Variants in PDE11A observed in about 807,000 individuals in gnomAD.
PDE11A encodes the protein phosphodiesterase 11A, also known as dual 3',5'-cyclic-AMP and -GMP phosphodiesterase 11A.
PDE11A carries 100 observed loss-of-function variants against 100.5 expected under a neutral mutation model. The observed-to-expected ratio is 1.00, with a 90% confidence interval of 0.85 to 1.18. The LOEUF is 1.18. Among genes scored for constraint, PDE11A ranks in the 50% most tolerant of loss-of-function variants. PDE11A has a pLI of 0.00. For missense variants in PDE11A, 1,141 were observed against 1,152.6 expected, an observed-to-expected ratio of 0.99 and a Z score of 0.15; for synonymous variants, 381 against 420.8, an observed-to-expected ratio of 0.91 and a Z score of 1.16.
intron 12 of PDE11A, among the ~76,000 whole-genome samples, chr2:177,713,750 G>A (rs549093509): frequency 1.0e-3 from 154 of 149,756 alleles, no homozygotes; most frequent in African/African-American, 3.9e-3. Context: ...AAACAAAAAA[G>A]CTTGTATATG....
chr2:177,926,354 A>C (rs2085124229), intron 2 of PDE11A, among the ~76,000 whole-genome samples: 1 of 152,226 alleles, frequency 6.6e-6, no homozygotes, highest in African/African-American at 2.4e-5. Flanking sequence ...ATAGCAAAAT[A>C]CTAGCTTCAG....
intron 5 of PDE11A, among the ~76,000 whole-genome samples, chr2:177,846,544 T>C (rs1218358226): frequency 6.6e-6 from 1 of 152,168 alleles, no homozygotes; most frequent in Non-Finnish European, 1.5e-5. Context: ...CCCCCTGATT[T>C]ATGAGGGAAC....
At position 177,733,002 on chromosome 2, in the gene PDE11A, C is replaced by T. The variant is rs201586822; in HGVS notation, c.1789-4830G>A. Among the ~76,000 whole-genome samples, 4 of 152,314 alleles carry T rather than the reference C, an allele frequency of 2.6e-5. No individual in the cohort carries two copies. The East Asian group carries it at 7.7e-4, about 29-fold the overall frequency. On this transcript the variant is annotated intron_variant, in intron 10 of 19. Coordinates refer to ENST00000286063, the MANE Select transcript of PDE11A (RefSeq NM_016953.4). The stretch of plus-strand genomic sequence containing the variant: ...GCAGTATGTATCCTGAGCAGACAAG[C>T]ATAAAAGATTTGGGAATAGCCTTCC...
chr2:177,641,542 C>T lies in PDE11A; in HGVS notation c.2647-11980G>A, dbSNP rs149263322. On this transcript the variant is annotated intron_variant, in intron 19 of 19. Coordinates refer to ENST00000286063, the MANE Select transcript of PDE11A (RefSeq NM_016953.4). ...GCTGTGGAGTCCAGATGGGAGGCAGCAAACAGACTCCTCCTAAACCTCACT... is the reference window on the plus strand; with the variant it reads ...GCTGTGGAGTCCAGATGGGAGGCAGTAAACAGACTCCTCCTAAACCTCACT... 3.4e-3 allele frequency among the ~76,000 whole-genome samples: 516 copies of T among 152,130 alleles called. 5 individuals are homozygous for T. Among genetic ancestry groups the T allele is most frequent in the African/African-American group, 0.012 (497 of 41,496 alleles).
intron 2 of PDE11A, among the ~76,000 whole-genome samples, chr2:178,091,507 C>T (rs138115942): frequency 6.6e-6 from 1 of 152,358 alleles, no homozygotes; most frequent in Admixed American, 6.5e-5. Flanking sequence ...AAACCCACAT[C>T]ACAGGGCTAT....
chr2:177,793,376 G>T (rs1047021482), intron 9 of PDE11A, among the ~76,000 whole-genome samples: 4 of 151,962 alleles, frequency 2.6e-5, no homozygotes, highest in African/African-American at 9.7e-5. Flanking sequence ...GCCTGTTCTT[G>T]AACTTACATA....
In PDE11A at chr2:177,626,208, A is replaced by G. The variant is rs1228043348; in HGVS notation, c.*3199T>C. The G allele has an allele frequency of 6.6e-6, 1 of 152,668 alleles. No homozygotes were observed. The highest frequency in any genetic ancestry group is 1.5e-5 in the Non-Finnish European group (1 of 68,050). 9.5% of individuals were successfully genotyped at this position (152,668 alleles called of 1,614,324 possible). On this transcript the variant is annotated 3_prime_UTR_variant, in exon 20 of 20. Coordinates refer to ENST00000286063, the MANE Select transcript of PDE11A (RefSeq NM_016953.4). ...TATAAATTATGTTCCCCTTAGCAAT[A>G]TGTAGCATCAATGTTCAGGATAGCT...
intron 2 of PDE11A, among the ~76,000 whole-genome samples, chr2:177,964,844 G>A (rs547426527): frequency 6.6e-6 from 1 of 152,252 alleles, no homozygotes; most frequent in African/African-American, 2.4e-5. Context: ...ATGTATATGT[G>A]TCTTTATGGT....
chr2:177,865,558 T>C (rs1345455024), intron 5 of PDE11A, among the ~76,000 whole-genome samples: 1 of 152,138 alleles, frequency 6.6e-6, no homozygotes, highest in Non-Finnish European at 1.5e-5. Flanking sequence ...AATTTGTACA[T>C]GAATGTTCTC....
intron 6 of PDE11A, among the ~76,000 whole-genome samples, chr2:177,835,368 C>A (rs2083378651): frequency 6.6e-6 from 1 of 152,152 alleles, no homozygotes; most frequent in Non-Finnish European, 1.5e-5. Context: ...CCTTTTTCCT[C>A]CTCTGTCCTC....
intron 1 of PDE11A, among the ~76,000 whole-genome samples, chr2:178,054,357 G>T (rs2086870491): frequency 6.6e-6 from 1 of 152,094 alleles, no homozygotes; most frequent in South Asian, 2.1e-4. Flanking sequence ...TCCAGATAGA[G>T]TAAAGACTTA....
At chr2:177,963,276 CT>C (rs933804176) in intron 2 of PDE11A, among the ~76,000 whole-genome samples, 2 of 152,106 alleles carry the variant, frequency 1.3e-5, no homozygotes, top group African/African-American at 4.8e-5. Flanking sequence ...AGGATGAGCT[CT>C]ATACGGATTC....
intron 5 of PDE11A, among the ~76,000 whole-genome samples, chr2:177,870,311 C>T (rs2084108233): frequency 6.6e-6 from 1 of 152,178 alleles, no homozygotes; most frequent in Non-Finnish European, 1.5e-5. Flanking sequence ...AAAACAATAA[C>T]TTTTCATTTC....
At chr2:177,715,075 T>G (rs972937411) in intron 12 of PDE11A, among the ~76,000 whole-genome samples, 4 of 152,314 alleles carry the variant, frequency 2.6e-5, no homozygotes, top group Non-Finnish European at 4.4e-5. Flanking sequence ...AGGGGCTTCA[T>G]GAGAAAAGGT....
intron 9 of PDE11A, among the ~76,000 whole-genome samples, chr2:177,795,935 C>CCATATA (rs2082699646): frequency 3.0e-5 from 2 of 67,244 alleles, no homozygotes. Flanking sequence ...TTTGTTTAAA[C>CCATATA]TATATATATA....
In PDE11A at chr2:177,816,811, C is replaced by T. The variant is rs749829052; in HGVS notation, c.1737+18G>A. On this transcript the variant is annotated intron_variant, in intron 9 of 19. Coordinates refer to ENST00000286063, the MANE Select transcript of PDE11A (RefSeq NM_016953.4). ...TAGAGCTGACAGCATACAAACCTGACATAAACACTGTACTTACATCAAGAG... is the reference window on the plus strand; with the variant it reads ...TAGAGCTGACAGCATACAAACCTGATATAAACACTGTACTTACATCAAGAG... The T allele has an allele frequency of 2.8e-6, 4 of 1,417,534 alleles. No individual in the cohort carries two copies. The highest frequency in any genetic ancestry group is 1.1e-5 in the South Asian group (1 of 87,250). 87.8% of individuals were successfully genotyped at this position (1,417,534 alleles called of 1,614,324 possible).
intron 4 of PDE11A, among the ~76,000 whole-genome samples, chr2:177,893,780 A>C (rs2084568292): frequency 6.6e-6 from 1 of 152,228 alleles, no homozygotes; most frequent in African/African-American, 2.4e-5. Flanking sequence ...CATTGATAAT[A>C]ATAAGGAAAG....
chr2:177,796,240 G>A (rs1402398095), intron 9 of PDE11A, among the ~76,000 whole-genome samples: 2 of 151,844 alleles, frequency 1.3e-5, no homozygotes, highest in Non-Finnish European at 2.9e-5. Context: ...GCTTTGAAGG[G>A]CTCCACTCTG....
At chr2:177,747,484 G>A (rs2081965467) in intron 10 of PDE11A, among the ~76,000 whole-genome samples, 1 of 152,162 alleles carries the variant, frequency 6.6e-6, no homozygotes, top group Admixed American at 6.5e-5. Context: ...TTGCTGTGGA[G>A]CATCTGGGCC....
Sources: allele counts gnomAD v4.1 joint callset (sites outside exome capture counted in the v4.1 genomes callset), GRCh38; gene constraint gnomAD v4.1.1; transcripts MANE v1.5; gene names NCBI Gene and HGNC (gene_info 2026-07-23, HGNC 2026-07-21).